Variants in TSPAN33 observed in about 807,000 individuals in gnomAD.
The protein encoded by TSPAN33 is tetraspanin 33.
A neutral mutation model predicts 34.8 loss-of-function variants in TSPAN33; 27 were observed. That is an observed-to-expected ratio of 0.78 (90% CI 0.57 to 1.07). The LOEUF (loss-of-function observed/expected upper bound fraction) is 1.07. Among genes scored for constraint, TSPAN33 ranks in the 50% least tolerant of loss-of-function variants. TSPAN33 has a pLI of 0.00. For synonymous variants in TSPAN33, 119 were observed against 124.2 expected (o/e 0.96, Z 0.28); for missense variants, 272 against 324.9 (o/e 0.84, Z 1.25).
chr7:129,161,337 T>C (rs1793045682), intron 1 of TSPAN33, among the ~76,000 whole-genome samples: 1 of 152,224 alleles, frequency 6.6e-6, no homozygotes, highest in African/African-American at 2.4e-5. Flanking sequence ...TGCCTTGGCC[T>C]CCCAAAATGC....
intron 1 of TSPAN33, among the ~76,000 whole-genome samples, chr7:129,149,189 C>T (rs1437612802): frequency 6.6e-6 from 1 of 152,188 alleles, no homozygotes; most frequent in Non-Finnish European, 1.5e-5. Flanking sequence ...GTCGCGTGCA[C>T]ACTTCTTAAC....
chr7:129,167,043 C>A lies in TSPAN33; in HGVS notation c.588+137C>A. The A allele has an allele frequency of 9.7e-7, 1 of 1,028,454 alleles. No homozygotes were observed. The allele number at this position is 1,028,454 out of a possible 1,614,324, so 63.7% of individuals were successfully genotyped here. A position where few individuals can be genotyped will look rare whatever the true frequency, so the allele number is the denominator to read the frequency against. On this transcript the variant is annotated intron_variant, in intron 6 of 7. Coordinates refer to ENST00000486685, the MANE Select transcript of TSPAN33 (RefSeq NM_178562.5). The surrounding 1 kb of genome is among the most constrained non-coding windows in gnomAD (Gnocchi z 4.6). ...GGGACAGCTGTCAGGTGTTTTTCTTCACCCCAACCTGATGCTTCTATTAAC... is the reference window on the plus strand; with the variant it reads ...GGGACAGCTGTCAGGTGTTTTTCTTAACCCCAACCTGATGCTTCTATTAAC...
chr7:129,148,892 G>A lies in TSPAN33; in HGVS notation c.102+3810G>A, dbSNP rs145252709. Among the ~76,000 whole-genome samples the A allele has an allele frequency of 6.6e-6, 1 of 152,228 alleles. No homozygotes were observed. The highest frequency in any genetic ancestry group is 1.9e-4 in the East Asian group (1 of 5,176). On this transcript the variant is annotated intron_variant, in intron 1 of 7. Coordinates refer to ENST00000486685, the MANE Select transcript of TSPAN33 (RefSeq NM_178562.5). This position sits in a 1 kb window ranked among gnomAD's most constrained non-coding sequence, Gnocchi z 4.2. ...CTCAGAATCACCCAGGCCACTCTCAGCACCATTTCTTTTCGTCTGGCTCAA... is the reference window on the plus strand; with the variant it reads ...CTCAGAATCACCCAGGCCACTCTCAACACCATTTCTTTTCGTCTGGCTCAA...
chr7:129,167,573 G>C lies in TSPAN33; in HGVS notation c.750+13G>C. On this transcript the variant is annotated intron_variant, in intron 7 of 7. Transcript: ENST00000486685. The surrounding 1 kb of genome is among the most constrained non-coding windows in gnomAD (Gnocchi z 4.6). The stretch of plus-strand genomic sequence containing the variant: ...GGCCATCCCCCAGGTAACTTACCCT[G>C]TGAGACTTGTTGGTCCCACACACTC... The C allele has an allele frequency of 6.2e-7, 1 of 1,612,218 alleles. No homozygotes were observed.
At chr7:129,160,109 G>C (rs1460166500) in intron 1 of TSPAN33, among the ~76,000 whole-genome samples, 2 of 152,194 alleles carry the variant, frequency 1.3e-5, no homozygotes, top group Non-Finnish European at 1.5e-5. Flanking sequence ...CGTGGTTTTA[G>C]ATAAAGGTTT....
intron 1 of TSPAN33, among the ~76,000 whole-genome samples, chr7:129,157,377 C>T (rs555054671): frequency 4.6e-5 from 7 of 150,912 alleles, no homozygotes; most frequent in African/African-American, 1.7e-4. Context: ...GAAGTGGGGG[C>T]AGGAATGGGG....
At position 129,168,879 on chromosome 7, in the gene TSPAN33, G is replaced by A. The variant is rs1793184599; in HGVS notation, c.*1005G>A. ...TCCATTCTGGCAACTGGAAGGGGAG[G>A]TGTAGAAGGGCCCTGCAGAGGACGG... On this transcript the variant is annotated 3_prime_UTR_variant, in exon 8 of 8. Coordinates refer to ENST00000486685, the MANE Select transcript of TSPAN33 (RefSeq NM_178562.5). 1 of 152,066 alleles carries A rather than the reference G, an allele frequency of 6.6e-6. No individual in the cohort carries two copies. The highest frequency in any genetic ancestry group is 2.4e-5 in the African/African-American group (1 of 41,318). The allele number at this position is 152,066 out of a possible 1,614,324, so 9.4% of individuals were successfully genotyped here.
chr7:129,157,535 T>C (rs577397611), intron 1 of TSPAN33, among the ~76,000 whole-genome samples: 47 of 152,322 alleles, frequency 3.1e-4, no homozygotes, highest in Admixed American at 2.5e-3. Context: ...CCCTGGCTGA[T>C]TATTCTTTAG....
At chr7:129,152,351 G>T (rs1445397791) in intron 1 of TSPAN33, among the ~76,000 whole-genome samples, 3 of 152,180 alleles carry the variant, frequency 2.0e-5, no homozygotes, top group Admixed American at 2.0e-4. Flanking sequence ...GAGGCATGGA[G>T]AAACAATTGT....
intron 1 of TSPAN33, among the ~76,000 whole-genome samples, chr7:129,161,352 C>G (rs1272668374): frequency 2.6e-5 from 4 of 152,214 alleles, no homozygotes; most frequent in Non-Finnish European, 4.4e-5. Flanking sequence ...AAATGCCCAG[C>G]CTGAAGCCCA....
intron 2 of TSPAN33, 69 bp downstream of exon 2, chr7:129,161,805 C>T (rs1416354493): frequency 6.3e-7 from 1 of 1,593,742 alleles, no homozygotes; most frequent in African/African-American, 1.3e-5. Flanking sequence ...CTCCTTCAGC[C>T]TGGCCCTCAC....
intron 1 of TSPAN33, among the ~76,000 whole-genome samples, chr7:129,155,120 T>C (rs1810649116): frequency 6.6e-6 from 1 of 152,186 alleles, no homozygotes; most frequent in Non-Finnish European, 1.5e-5. Context: ...TAGACAGAAT[T>C]GGAGGTCATT....
intron 1 of TSPAN33, among the ~76,000 whole-genome samples, chr7:129,147,187 C>T (rs1183929373): frequency 2.0e-5 from 3 of 152,208 alleles, no homozygotes; most frequent in African/African-American, 4.8e-5. Context: ...AAATAGCACA[C>T]TGAAAGACAA....
intron 4 of TSPAN33, among the ~76,000 whole-genome samples, chr7:129,163,427 G>C (rs1246262116): frequency 6.7e-6 from 1 of 149,018 alleles, no homozygotes; most frequent in Non-Finnish European, 1.5e-5. Flanking sequence ...GGGCTCAAGT[G>C]ATCCTCCTGC....
In TSPAN33 at chr7:129,168,887, G is replaced by C. The variant is rs1793184718; in HGVS notation, c.*1013G>C. On this transcript the variant is annotated 3_prime_UTR_variant, in exon 8 of 8. Transcript: ENST00000486685. ...GGCAACTGGAAGGGGAGGTGTAGAA[G>C]GGCCCTGCAGAGGACGGCACTGGAG... The C allele has an allele frequency of 6.6e-6, 1 of 152,144 alleles. No homozygotes were observed. The highest frequency in any genetic ancestry group is 2.1e-4 in the South Asian group (1 of 4,820). The allele number at this position is 152,144 out of a possible 1,614,324, so 9.4% of individuals were successfully genotyped here. A position where few individuals can be genotyped will look rare whatever the true frequency, so the allele number is the denominator to read the frequency against.
intron 2 of TSPAN33, among the ~76,000 whole-genome samples, chr7:129,162,163 A>G (rs532299411): frequency 6.6e-6 from 1 of 152,380 alleles, no homozygotes; most frequent in East Asian, 1.9e-4. Context: ...CCTTAAGCCC[A>G]GGAATAAAGG....
intron 3 of TSPAN33, 43 bp downstream of exon 3, chr7:129,162,564 C>G: frequency 6.2e-7 from 1 of 1,605,792 alleles, no homozygotes; most frequent in East Asian, 2.2e-5. Flanking sequence ...GGCCCTCTCC[C>G]CATCATGCCT....
intron 1 of TSPAN33, among the ~76,000 whole-genome samples, chr7:129,145,404 T>C (rs535339825): frequency 2.0e-4 from 30 of 151,536 alleles, no homozygotes; most frequent in Admixed American, 1.3e-3. Context: ...ATGATGGGGG[T>C]CGGGGGTGGC....
In TSPAN33 at chr7:129,162,918, G is replaced by A; in HGVS notation, c.363+11G>A. On this transcript the variant is annotated intron_variant, in intron 4 of 7. Transcript: ENST00000486685. ...GTCTTCTCAGACAAGGTAACACTGGGAGCCAGGAGGCCTCCTCAGGTGTGA... is the reference window on the plus strand; with the variant it reads ...GTCTTCTCAGACAAGGTAACACTGGAAGCCAGGAGGCCTCCTCAGGTGTGA... The A allele has an allele frequency of 2.5e-6, 4 of 1,613,216 alleles. No individual in the cohort carries two copies. The highest frequency in any genetic ancestry group is 3.4e-6 in the Non-Finnish European group (4 of 1,179,572).
Sources: allele counts gnomAD v4.1 joint callset (sites outside exome capture counted in the v4.1 genomes callset), GRCh38; gene constraint gnomAD v4.1.1; non-coding constraint Gnocchi (gnomAD v3.1); transcripts MANE v1.5; gene names NCBI Gene and HGNC (gene_info 2026-07-23, HGNC 2026-07-21).